The following MYT1L variants were observed in gnomAD, a reference collection of about 807,000 sequenced individuals.
MYT1L encodes the protein myelin transcription factor 1-like protein.
Under a neutral mutation model 126.7 loss-of-function variants are expected in MYT1L, and 12 were observed. That is an observed-to-expected ratio of 0.09 (90% CI 0.06 to 0.15). MYT1L has a LOEUF of 0.15. Among genes scored for constraint, MYT1L ranks in the 10% least tolerant of loss-of-function variants. The pLI is 1.00. For synonymous variants in MYT1L, 541 were observed against 604.2 expected (o/e 0.90, Z 1.53); for missense variants, 979 against 1,585.2 (o/e 0.62, Z 6.49).
chr2:1,920,947 G>A (rs1247404506), intron 10 of MYT1L, among the ~76,000 whole-genome samples: 1 of 152,240 alleles, frequency 6.6e-6, no homozygotes, highest in Non-Finnish European at 1.5e-5. Flanking sequence ...GGCACCTGCC[G>A]AGAGTCCCCG....
chr2:2,004,111 G>A lies in MYT1L; in HGVS notation c.-157-6764C>T, dbSNP rs115385741. Among the ~76,000 whole-genome samples, 460 of 133,538 alleles carry A rather than the reference G, an allele frequency of 3.4e-3. 6 individuals are homozygous for A. The highest frequency in any genetic ancestry group is 0.012 in the African/African-American group (397 of 34,394). 87.6% of individuals were successfully genotyped at this position (133,538 alleles called of 152,430 possible). ...CTTTCCTGCGTGCCTTCTTTCCTGC[G>A]TGCCTTCCTTCCTGTGTGCCTTCTT... On this transcript the variant is annotated intron_variant, in intron 4 of 24. Coordinates refer to ENST00000647738, the MANE Select transcript of MYT1L (RefSeq NM_001303052.2).
Position 1,929,743 on chromosome 2 carries a change from T to G in MYT1L, c.506-6480A>C, listed in dbSNP as rs544921166. ...CATTGCCATTTTCTTTGAATTTTAG[T>G]GCTAGATAGAATTATTGAGATCATG... On this transcript the variant is annotated intron_variant, in intron 9 of 24. Transcript: ENST00000647738. The surrounding 1 kb of genome is among the most constrained non-coding windows in gnomAD (Gnocchi z 4.7). Among the ~76,000 whole-genome samples the G allele has an allele frequency of 6.6e-6, 1 of 152,360 alleles. No individual in the cohort carries two copies. Among genetic ancestry groups the G allele is most frequent in the South Asian group, 2.1e-4 (1 of 4,832 alleles).
intron 3 of MYT1L, among the ~76,000 whole-genome samples, chr2:2,102,683 T>C (rs1276157141): frequency 6.6e-6 from 1 of 151,364 alleles, no homozygotes; most frequent in Non-Finnish European, 1.5e-5. Flanking sequence ...AAAAACATGA[T>C]AGAGATCTAA....
intron 2 of MYT1L, among the ~76,000 whole-genome samples, chr2:2,223,717 G>A (rs899388929): frequency 6.6e-6 from 1 of 152,170 alleles, no homozygotes; most frequent in Non-Finnish European, 1.5e-5. Context: ...GAATGCCCAA[G>A]TCTATTTCAT....
intron 18 of MYT1L, among the ~76,000 whole-genome samples, chr2:1,864,622 C>T (rs535352799): frequency 1.3e-5 from 2 of 152,320 alleles, no homozygotes; most frequent in East Asian, 3.9e-4. Context: ...TCAGGCATCT[C>T]GTTTATTCAG....
At chr2:1,951,046 C>T (rs868115635) in intron 8 of MYT1L, among the ~76,000 whole-genome samples, 30 of 152,128 alleles carry the variant, frequency 2.0e-4, no homozygotes, top group Admixed American at 5.2e-4. Context: ...ACGGAAGACA[C>T]GGGAGACTCA....
rs900748610 is a variant in MYT1L, at chr2:2,059,272, C to T, written c.-303-5149G>A. 2.0e-5 allele frequency among the ~76,000 whole-genome samples: 3 copies of T among 152,076 alleles called. No homozygotes were observed. Among genetic ancestry groups the T allele is most frequent in the Admixed American group, 6.5e-5 (1 of 15,276 alleles). On this transcript the variant is annotated intron_variant, in intron 3 of 24. Transcript: ENST00000647738. The surrounding 1 kb of genome is among the most constrained non-coding windows in gnomAD (Gnocchi z 4.7). Reference sequence around the variant, plus strand: ...CATCAACGGGGTCGCAACTGCTTTTCGCAGGATTGTTTTATTATTTCCAGT... The same window carrying T: ...CATCAACGGGGTCGCAACTGCTTTTTGCAGGATTGTTTTATTATTTCCAGT...
chr2:1,902,086 G>A lies in MYT1L; in HGVS notation c.2032+994C>T, dbSNP rs555342720. ...ACATTTACACCCCAAGTCCCAATTG[G>A]TAAAACTTGGCAATTACGTCTATAC... On this transcript the variant is annotated intron_variant, in intron 14 of 24. Coordinates refer to ENST00000647738, the MANE Select transcript of MYT1L (RefSeq NM_001303052.2). Among the ~76,000 whole-genome samples, 11 of 152,268 alleles carry A rather than the reference G, an allele frequency of 7.2e-5. No homozygotes were observed. The East Asian group carries it at 1.9e-3, about 27-fold the overall frequency.
chr2:2,306,684 G>A (rs774977952), intron 1 of MYT1L, among the ~76,000 whole-genome samples: 1 of 152,132 alleles, frequency 6.6e-6, no homozygotes, highest in African/African-American at 2.4e-5. Flanking sequence ...AGGACAGAAG[G>A]TCCCTCAAAT....
intron 2 of MYT1L, among the ~76,000 whole-genome samples, chr2:2,262,451 G>A (rs1237535840): frequency 2.0e-5 from 3 of 151,930 alleles, no homozygotes; most frequent in Non-Finnish European, 4.4e-5. Context: ...CCAGCACTTT[G>A]GGAGGCCGAG....
At chr2:2,091,716 G>A in intron 3 of MYT1L, among the ~76,000 whole-genome samples, 1 of 152,300 alleles carries the variant, frequency 6.6e-6, no homozygotes, top group Non-Finnish European at 1.5e-5. Context: ...TGTTGTTAAT[G>A]TAACCAACTT....
At chr2:2,134,854 G>A (rs574601233) in intron 3 of MYT1L, among the ~76,000 whole-genome samples, 1 of 152,202 alleles carries the variant, frequency 6.6e-6, no homozygotes, top group Non-Finnish European at 1.5e-5. Context: ...GTATTGCAAA[G>A]GAGGGCACCA....
chr2:2,033,664 A>C (rs2066658342), intron 4 of MYT1L, among the ~76,000 whole-genome samples: 1 of 152,226 alleles, frequency 6.6e-6, no homozygotes, highest in South Asian at 2.1e-4. Context: ...ATTTGAGGTC[A>C]TTACATTCTA....
chr2:1,801,820 A>T lies in MYT1L; in HGVS notation c.3173-21T>A. ...TATACCTGTAATAATGAATATTAGTATGTTAAAACTGTTATATACAAAAAT... is the reference window on the plus strand; with the variant it reads ...TATACCTGTAATAATGAATATTAGTTTGTTAAAACTGTTATATACAAAAAT... On this transcript the variant is annotated intron_variant, in intron 22 of 24. Transcript: ENST00000647738. The surrounding 1 kb of genome is among the most constrained non-coding windows in gnomAD (Gnocchi z 4.2). 2 of 1,444,558 alleles carry T rather than the reference A, an allele frequency of 1.4e-6. No homozygotes were observed. Among genetic ancestry groups the T allele is most frequent in the Non-Finnish European group, 9.6e-7 (1 of 1,038,822 alleles). The allele number at this position is 1,444,558 out of a possible 1,614,324, so 89.5% of individuals were successfully genotyped here.
At chr2:2,287,027 C>T (rs2095531073) in intron 1 of MYT1L, among the ~76,000 whole-genome samples, 1 of 152,130 alleles carries the variant, frequency 6.6e-6, no homozygotes. Context: ...GAGGCCAAGG[C>T]AGGCGGATCA....
chr2:2,165,136 A>G (rs1473630450), intron 3 of MYT1L, among the ~76,000 whole-genome samples: 2 of 152,184 alleles, frequency 1.3e-5, no homozygotes, highest in East Asian at 1.9e-4. Context: ...GCCAAAGACA[A>G]TTAGTATTTC....
chr2:1,855,778 G>T (rs1237316515), intron 18 of MYT1L, among the ~76,000 whole-genome samples: 2 of 151,814 alleles, frequency 1.3e-5, no homozygotes, highest in Non-Finnish European at 2.9e-5. Context: ...GCTGCCCCAC[G>T]GATATTTTCA....
At chr2:2,217,636 A>T (rs981863425) in intron 2 of MYT1L, among the ~76,000 whole-genome samples, 1 of 147,872 alleles carries the variant, frequency 6.8e-6, no homozygotes, top group African/African-American at 2.5e-5. Context: ...ACACCATTGC[A>T]CTCCAGCCTG....
At chr2:1,814,796 C>A (rs999520282) in intron 21 of MYT1L, among the ~76,000 whole-genome samples, 3 of 152,094 alleles carry the variant, frequency 2.0e-5, no homozygotes, top group Admixed American at 1.3e-4. Context: ...AGCATTCACC[C>A]ATGAACGAAC....
Sources: gnomAD v4.1 joint callset for allele counts (sites outside exome capture counted in the v4.1 genomes callset) on GRCh38, gnomAD v4.1.1 for gene constraint, Gnocchi (gnomAD v3.1) non-coding constraint, MANE v1.5 for transcripts, NCBI Gene and HGNC (gene_info 2026-07-23, HGNC 2026-07-21) for gene names.